The following MAP3K20 variants were observed in gnomAD, a reference collection of about 807,000 sequenced individuals.
MAP3K20 encodes the protein mitogen-activated protein kinase kinase kinase 20, also known as HCCS-4.
In MAP3K20, 40 loss-of-function variants were observed where a neutral mutation model predicts 85.7. The ratio of observed to expected loss-of-function variants is 0.47; its 90% CI spans 0.36 to 0.61. MAP3K20 has a LOEUF of 0.61. Among genes scored for constraint, MAP3K20 ranks in the 20% least tolerant of loss-of-function variants. The probability of loss-of-function intolerance (pLI) is 0.00; values close to 1 mark genes in which losing one functional copy is unlikely to be tolerated. For missense variants in MAP3K20, 817 were observed against 961.7 expected (o/e 0.85, Z 1.99); for synonymous variants, 325 against 327.7 (o/e 0.99, Z 0.09).
At chr2:173,252,324 TTC>T (rs1237923486) in intron 16 of MAP3K20, among the ~76,000 whole-genome samples, 1 of 152,222 alleles carries the variant, frequency 6.6e-6, no homozygotes, top group African/African-American at 2.4e-5. Flanking sequence ...GTGTAAGAGT[TTC>T]TGTTTTAGTT....
intron 2 of MAP3K20, among the ~76,000 whole-genome samples, chr2:173,151,365 G>A (rs1159019359): frequency 6.6e-6 from 1 of 152,172 alleles, no homozygotes; most frequent in Non-Finnish European, 1.5e-5. Flanking sequence ...TGTTAGACTT[G>A]AAGAGACTAG....
At chr2:173,238,162 A>T (rs907764262) in intron 14 of MAP3K20, among the ~76,000 whole-genome samples, 2 of 152,206 alleles carry the variant, frequency 1.3e-5, no homozygotes, top group African/African-American at 2.4e-5. Context: ...AAAATAAAAA[A>T]TTTTTAAAAA....
At chr2:173,179,704 G>GCACACACACACACA (rs71018541) in intron 3 of MAP3K20, among the ~76,000 whole-genome samples, 19 of 146,176 alleles carry the variant, frequency 1.3e-4, no homozygotes, top group African/African-American at 2.8e-4. Flanking sequence ...TAAGGAATGC[G>GCACACACACACACA]CACACACACA....
Position 173,122,679 on chromosome 2 carries a change from T to C in MAP3K20, c.159+31489T>C, listed in dbSNP as rs573832597. ...CTACGTTTTGTTGTTGTTGTTGTTA[T>C]ATAGATTATACAGTATTGTAGTAAA... On this transcript the variant is annotated intron_variant, in intron 2 of 19. Transcript: ENST00000375213. Among the ~76,000 whole-genome samples the C allele has an allele frequency of 3.9e-5, 6 of 152,318 alleles. No homozygotes were observed. In the South Asian group the frequency reaches 1.0e-3, roughly 26 times the overall value.
intron 9 of MAP3K20, among the ~76,000 whole-genome samples, chr2:173,204,117 ATTTTGT>A (rs2106293373): frequency 6.6e-6 from 1 of 152,214 alleles, no homozygotes; most frequent in East Asian, 1.9e-4. Context: ...TAATTTTATT[ATTTTGT>A]TTTTAATTTT....
At chr2:173,105,753 G>GGA (rs971742200) in intron 2 of MAP3K20, among the ~76,000 whole-genome samples, 33 of 152,044 alleles carry the variant, frequency 2.2e-4, no homozygotes, top group Non-Finnish European at 4.1e-4. Flanking sequence ...CCAGGGGCTG[G>GGA]GAGAGAGAGA....
chr2:173,175,786 G>T (rs1156474725), intron 3 of MAP3K20, among the ~76,000 whole-genome samples: 1 of 152,070 alleles, frequency 6.6e-6, no homozygotes, highest in Non-Finnish European at 1.5e-5. Context: ...TAGGCGTTTT[G>T]CTGGAATTAA....
chr2:173,191,433 T>C (rs553536199), intron 7 of MAP3K20, among the ~76,000 whole-genome samples: 2 of 152,282 alleles, frequency 1.3e-5, no homozygotes, highest in African/African-American at 4.8e-5. Flanking sequence ...GAATCCGAGA[T>C]AGTGTTGGGC....
At chr2:173,202,898 G>A (rs374565113) in intron 8 of MAP3K20, among the ~76,000 whole-genome samples, 1 of 152,178 alleles carries the variant, frequency 6.6e-6, no homozygotes, top group African/African-American at 2.4e-5. Context: ...AGAGTTCAGT[G>A]TATCTTAAAA....
intron 16 of MAP3K20, among the ~76,000 whole-genome samples, chr2:173,254,359 A>G (rs940039292): frequency 1.4e-5 from 2 of 144,098 alleles, no homozygotes; most frequent in Non-Finnish European, 3.0e-5. Context: ...GTGTGAACCT[A>G]GGGGGTGGAG....
chr2:173,221,009 T>A, intron 11 of MAP3K20: 1 of 630,932 alleles, frequency 1.6e-6, no homozygotes, highest in Non-Finnish European at 2.3e-6. Flanking sequence ...AAATAAATTC[T>A]CACATAATTC....
intron 4 of MAP3K20, among the ~76,000 whole-genome samples, chr2:173,185,730 C>CTT (rs1271846940): frequency 1.3e-5 from 2 of 152,312 alleles, no homozygotes; most frequent in South Asian, 4.1e-4. Context: ...AGATTCTCTT[C>CTT]TTTCTAGATG....
At chr2:173,169,671 G>A in intron 2 of MAP3K20, 134 bp from the exon 3 acceptor site, 5 of 804,208 alleles carry the variant, frequency 6.2e-6, no homozygotes, top group Non-Finnish European at 9.5e-6. Context: ...AGTGAGCCAA[G>A]ATCACACCAC....
intron 16 of MAP3K20, among the ~76,000 whole-genome samples, chr2:173,244,980 C>T (rs1006709205): frequency 2.6e-5 from 4 of 152,164 alleles, no homozygotes; most frequent in Non-Finnish European, 4.4e-5. Context: ...GTTTGCATAG[C>T]AGAGGCATTT....
intron 9 of MAP3K20, among the ~76,000 whole-genome samples, chr2:173,204,106 ATAATT>A (rs1429806285): frequency 1.3e-5 from 2 of 152,196 alleles, no homozygotes; most frequent in Non-Finnish European, 2.9e-5. Flanking sequence ...TTCAGTATAA[ATAATT>A]TTATTATTTT....
intron 14 of MAP3K20, among the ~76,000 whole-genome samples, chr2:173,237,147 C>G (rs1392818093): frequency 2.0e-5 from 3 of 151,334 alleles, no homozygotes; most frequent in Non-Finnish European, 1.5e-5. Flanking sequence ...CTGCCTCAGC[C>G]TCCTGAGTAG....
chr2:173,199,111 A>G (rs772983479), intron 8 of MAP3K20, among the ~76,000 whole-genome samples: 25 of 152,222 alleles, frequency 1.6e-4, no homozygotes, highest in Non-Finnish European at 3.7e-4. Context: ...AAAGGTGAAT[A>G]TATAAAAATA....
intron 1 of MAP3K20, among the ~76,000 whole-genome samples, chr2:173,083,432 C>G (rs370624122): frequency 9.2e-5 from 14 of 152,160 alleles, no homozygotes; most frequent in African/African-American, 3.4e-4. Context: ...TAGCTCACTG[C>G]AGCCTCGACC....
chr2:173,227,544 G>A (rs934827088), intron 11 of MAP3K20, among the ~76,000 whole-genome samples: 1 of 152,166 alleles, frequency 6.6e-6, no homozygotes, highest in Non-Finnish European at 1.5e-5. Flanking sequence ...AAAGAATCCT[G>A]CTGGAGTGAG....
Sources: gnomAD v4.1 joint callset for allele counts (sites outside exome capture counted in the v4.1 genomes callset) on GRCh38, gnomAD v4.1.1 for gene constraint, MANE v1.5 for transcripts, NCBI Gene and HGNC (gene_info 2026-07-23, HGNC 2026-07-21) for gene names.